Variants in ATR observed in about 807,000 individuals in gnomAD.
The protein encoded by ATR is serine/threonine-protein kinase ATR.
In ATR, 142 loss-of-function variants were observed where a neutral mutation model predicts 305.3. That is an observed-to-expected ratio of 0.47 (90% CI 0.41 to 0.53). The LOEUF is 0.53. Ranked by LOEUF, ATR falls within the 20% of genes least tolerant of loss-of-function variation. The pLI is 0.00. For synonymous variants in ATR, 1,050 were observed against 1,068.1 expected, an observed-to-expected ratio of 0.98 and a Z score of 0.33; for missense variants, 2,135 against 3,133.1, an observed-to-expected ratio of 0.68 and a Z score of 7.60.
At chr3:142,550,907 C>G (rs2034448358) in intron 13 of ATR, among the ~76,000 whole-genome samples, 1 of 152,100 alleles carries the variant, frequency 6.6e-6, no homozygotes, top group Non-Finnish European at 1.5e-5. Flanking sequence ...TCTGCCTCAG[C>G]CTCCTGAGTA....
intron 24 of ATR, among the ~76,000 whole-genome samples, chr3:142,519,380 C>A (rs1443031796): frequency 1.3e-5 from 2 of 152,008 alleles, no homozygotes; most frequent in Admixed American, 1.3e-4. Flanking sequence ...CGGCTCACTG[C>A]AACCTCTGCC....
chr3:142,485,698 T>C (rs2030873851), intron 35 of ATR, among the ~76,000 whole-genome samples: 2 of 152,204 alleles, frequency 1.3e-5, no homozygotes, highest in Non-Finnish European at 2.9e-5. Context: ...ATATCAAGTC[T>C]CTAAAGAGTG....
In ATR at chr3:142,562,452, TAGAC is replaced by T. The variant is rs1444377596; in HGVS notation, c.946_949del (p.Val316IlefsTer2). 6.8e-6 allele frequency: 11 copies of T among 1,614,050 alleles called. No homozygotes were observed. The highest frequency in any genetic ancestry group is 9.3e-6 in the Non-Finnish European group (11 of 1,180,000). Reference sequence around the variant, plus strand: ...GAGTTTTTCCAGCAGCATATTTAAATAGACAGGTTCAATATTTCTATAAGCTTCT... The same window carrying T: ...GAGTTTTTCCAGCAGCATATTTAAATAGGTTCAATATTTCTATAAGCTTCT... On this transcript the variant is annotated frameshift_variant, in exon 4 of 47. Coordinates refer to ENST00000350721, the MANE Select transcript of ATR (RefSeq NM_001184.4). LOFTEE classifies it high-confidence loss of function.
Position 142,469,562 on chromosome 3 carries a change from G to A in ATR, c.6327C>T (p.Arg2109=), listed in dbSNP as rs147210068. 1.1e-4 allele frequency: 171 copies of A among 1,611,764 alleles called. No homozygotes were observed. In the East Asian group the frequency reaches 2.5e-3, roughly 24 times the overall value. ...TKAYEWEKAG[R]SDRVQMRNDL... is the part of the protein sequence containing the mutation. The stretch of plus-strand genomic sequence containing the variant: ...CATTCCTCATTTGTACACGATCGGA[G>A]CGGCCAGCTGGGGGAAGAAATAAGT... Residue 2109 remains arginine, a synonymous_variant, in exon 38 of 47, where the codon CGC becomes CGT. Transcript: ENST00000350721.
chr3:142,515,634 C>G, intron 24 of ATR, 119 bp from the exon 25 acceptor site: 1 of 1,131,926 alleles, frequency 8.8e-7, no homozygotes, highest in African/African-American at 1.6e-5. Flanking sequence ...CTGCAATCTG[C>G]TTACCTTTTT....
chr3:142,503,807 G>T (rs1456972098), intron 29 of ATR, among the ~76,000 whole-genome samples: 1 of 152,150 alleles, frequency 6.6e-6, no homozygotes, highest in East Asian at 1.9e-4. Context: ...ATAAATAAAT[G>T]TAGACAACAT....
intron 24 of ATR, among the ~76,000 whole-genome samples, chr3:142,518,253 T>C (rs1047625197): frequency 2.6e-5 from 4 of 152,234 alleles, no homozygotes; most frequent in Non-Finnish European, 5.9e-5. Flanking sequence ...CCAGGTGTGA[T>C]GGCTCATGCC....
chr3:142,568,972 G>A (rs2035170547), intron 1 of ATR, among the ~76,000 whole-genome samples: 1 of 152,154 alleles, frequency 6.6e-6, no homozygotes, highest in African/African-American at 2.4e-5. Context: ...TGGGTGGCAG[G>A]TTGATGGCAG....
intron 46 of ATR, chr3:142,450,514 A>G (rs779568839): frequency 1.2e-6 from 2 of 1,604,942 alleles, no homozygotes; most frequent in Admixed American, 3.4e-5. Context: ...TTGTGAGGCT[A>G]TTTCTCATAT....
At chr3:142,559,162 C>T (rs761959452) in intron 7 of ATR, 89 bp downstream of exon 7, 59 of 1,379,828 alleles carry the variant, frequency 4.3e-5, no homozygotes, top group Admixed American at 7.7e-5. Context: ...ATTCCAAACA[C>T]GCACTTAGGC....
intron 21 of ATR, among the ~76,000 whole-genome samples, chr3:142,530,622 C>CT (rs568342207): frequency 1.4e-4 from 21 of 152,082 alleles, no homozygotes; most frequent in Admixed American, 9.2e-4. Context: ...TCATGAATAG[C>CT]TTTTTTTTCT....
intron 1 of ATR, among the ~76,000 whole-genome samples, chr3:142,570,695 T>C (rs562579798): frequency 6.6e-5 from 10 of 152,318 alleles, no homozygotes; most frequent in African/African-American, 2.4e-4. Context: ...GCCCCCTCTA[T>C]GTTCACTTCT....
At chr3:142,560,223 A>G in intron 6 of ATR, 40 bp downstream of exon 6, 7 of 1,581,158 alleles carry the variant, frequency 4.4e-6, no homozygotes, top group Non-Finnish European at 6.1e-6. Flanking sequence ...CAAGTTCATT[A>G]CAGGAAACCC....
chr3:142,513,694 A>G lies in ATR; in HGVS notation c.4504-56T>C, dbSNP rs1577606694. 3.9e-6 allele frequency: 6 copies of G among 1,538,032 alleles called. No homozygotes were observed. In the East Asian group the frequency reaches 1.4e-4, roughly 35 times the overall value. ...CACTTTCACATATTGATTAAATGTC[A>G]AAGAGTAGCATGTGAGATAATTTAT... On this transcript the variant is annotated intron_variant, in intron 25 of 46. Coordinates refer to ENST00000350721, the MANE Select transcript of ATR (RefSeq NM_001184.4).
intron 45 of ATR, among the ~76,000 whole-genome samples, chr3:142,455,600 C>T (rs2070888959): frequency 6.6e-6 from 1 of 151,984 alleles, no homozygotes; most frequent in Admixed American, 6.6e-5. Flanking sequence ...ATCAATTGAC[C>T]ATTTCAACAA....
intron 17 of ATR, 58 bp downstream of exon 17, chr3:142,542,606 GA>G: frequency 7.1e-7 from 1 of 1,414,878 alleles, no homozygotes; most frequent in Non-Finnish European, 9.9e-7. Context: ...GCTAGATGCA[GA>G]ATTTATCTAT....
intron 19 of ATR, among the ~76,000 whole-genome samples, chr3:142,537,845 C>T (rs1217060126): frequency 6.6e-6 from 1 of 152,084 alleles, no homozygotes; most frequent in South Asian, 2.1e-4. Context: ...AATAGTAATC[C>T]ACACTGGCTA....
Position 142,512,435 on chromosome 3 carries a change from G to T in ATR, c.4677C>A (p.Asp1559Glu), listed in dbSNP as rs112726878. The change falls in exon 27 of 47, where the codon GAC (aspartate) becomes GAA (glutamate). Residue 1559 changes from aspartate to glutamate, a missense_variant. Coordinates refer to ENST00000350721, the MANE Select transcript of ATR (RefSeq NM_001184.4). ...CTTGGGTATTTATGGTATGCTGATC[G>T]TCATGCTTTAGAACTGCCATAATTT... Reference protein sequence around the residue: ...YAEIMAVLKHDDQHTINTQDI... With the variant: ...YAEIMAVLKHEDQHTINTQDI... 12 of 1,613,280 alleles carry T rather than the reference G, an allele frequency of 7.4e-6. No homozygotes were observed. The South Asian group carries it at 1.3e-4, about 18-fold the overall frequency.
chr3:142,556,629 T>A, intron 8 of ATR, 54 bp from the exon 9 acceptor site: 1 of 1,487,030 alleles, frequency 6.7e-7, no homozygotes, highest in Non-Finnish European at 9.3e-7. Flanking sequence ...ATTTTATGTA[T>A]ACACATATAC....
Sources: allele counts gnomAD v4.1 joint callset (sites outside exome capture counted in the v4.1 genomes callset), GRCh38; gene constraint gnomAD v4.1.1; transcripts MANE v1.5; gene names NCBI Gene and HGNC (gene_info 2026-07-23, HGNC 2026-07-21).